CENPC: variants seen among roughly 807,000 people sequenced by gnomAD.
CENPC encodes CENP-C 1.
CENPC carries 63 observed loss-of-function variants against 112.1 expected under a neutral mutation model. The observed-to-expected ratio is 0.56, with a 90% CI of 0.46 to 0.69. The LOEUF is 0.69. Among genes scored for constraint, CENPC ranks in the 30% least tolerant of loss-of-function variants. The pLI is 0.00. For synonymous variants in CENPC, 333 were observed against 367.6 expected (o/e 0.91, Z 1.08); for missense variants, 1,000 against 1,103.8 (o/e 0.91, Z 1.33).
intron 18 of CENPC, among the ~76,000 whole-genome samples, chr4:67,473,747 T>A (rs1724732150): frequency 6.6e-6 from 1 of 151,974 alleles, no homozygotes; most frequent in East Asian, 1.9e-4. Flanking sequence ...ACACAGGGTC[T>A]TCCTAGGTTG....
chr4:67,482,470 T>C (rs1724981676), intron 17 of CENPC, among the ~76,000 whole-genome samples: 1 of 152,232 alleles, frequency 6.6e-6, no homozygotes, highest in Non-Finnish European at 1.5e-5. Flanking sequence ...AGCAGCATAA[T>C]GTGCAACTGC....
At chr4:67,536,476 A>G (rs904842646) in intron 4 of CENPC, among the ~76,000 whole-genome samples, 1 of 152,204 alleles carries the variant, frequency 6.6e-6, no homozygotes, top group African/African-American at 2.4e-5. Flanking sequence ...CTACGGAGTC[A>G]TATCTTATTT....
At chr4:67,473,437 T>C (rs1318411061) in intron 18 of CENPC, among the ~76,000 whole-genome samples, 1 of 152,222 alleles carries the variant, frequency 6.6e-6, no homozygotes, top group Non-Finnish European at 1.5e-5. Flanking sequence ...CAAGTATGGC[T>C]ATTATTATTG....
chr4:67,471,485 A>G lies in CENPC; in HGVS notation c.*1120T>C, dbSNP rs554782537. The G allele has an allele frequency of 4.6e-5, 7 of 152,310 alleles. No homozygotes were observed. The highest frequency in any genetic ancestry group is 7.4e-5 in the Non-Finnish European group (5 of 68,018). 9.4% of individuals were successfully genotyped at this position (152,310 alleles called of 1,614,324 possible). ...TCTGTATGGGCCCAGATACTTGATTAGTCAAGCCTTCAATAAGACTTCATA... is the reference window on the plus strand; with the variant it reads ...TCTGTATGGGCCCAGATACTTGATTGGTCAAGCCTTCAATAAGACTTCATA... On this transcript the variant is annotated 3_prime_UTR_variant, in exon 19 of 19. Transcript: ENST00000273853.
intron 4 of CENPC, among the ~76,000 whole-genome samples, chr4:67,535,689 C>T (rs1726698691): frequency 1.3e-5 from 2 of 152,048 alleles, no homozygotes. Flanking sequence ...ATACCATAAA[C>T]ACTAACTACT....
Position 67,514,100 on chromosome 4 carries a change from A to G in CENPC, c.1418T>C (p.Val473Ala). 1.9e-6 allele frequency: 3 copies of G among 1,598,708 alleles called. No homozygotes were observed. Among genetic ancestry groups the G allele is most frequent in the Non-Finnish European group, 2.6e-6 (3 of 1,174,712 alleles). Reference sequence around the variant, plus strand: ...CACAGGTGGCATCTGTTTTTTGGAAACACAATCATTTCCCATCTCTTCATG... The same window carrying G: ...CACAGGTGGCATCTGTTTTTTGGAAGCACAATCATTTCCCATCTCTTCATG... ...EEHEEMGNDC[V>A]SKKQMPPVGS... The change falls in exon 8 of 19, where the codon GTT becomes GCT. Residue 473 changes from valine (V) to alanine (A), a missense_variant. Coordinates refer to ENST00000273853, the MANE Select transcript of CENPC (RefSeq NM_001812.4).
At chr4:67,520,889 G>A (rs973112560) in intron 5 of CENPC, among the ~76,000 whole-genome samples, 2 of 152,050 alleles carry the variant, frequency 1.3e-5, no homozygotes, top group African/African-American at 4.8e-5. Context: ...GCACATGCCT[G>A]TAATCCCAGC....
rs1727011581 is a variant in CENPC at position 67,545,501 on chromosome 4, G to C, written c.-146C>G. 2.7e-6 allele frequency: 2 copies of C among 735,268 alleles called. No homozygotes were observed. The highest frequency in any genetic ancestry group is 8.1e-5 in the Admixed American group (2 of 24,542). The allele number at this position is 735,268 out of a possible 1,614,324, so 45.5% of individuals were successfully genotyped here. On this transcript the variant is annotated 5_prime_UTR_variant, in exon 1 of 19. Coordinates refer to ENST00000273853, the MANE Select transcript of CENPC (RefSeq NM_001812.4). ...TAAGTCTCAGGCGACTGCCGCGAGAGCTGCGATCCGGAAGGCGCGCGCTAA... is the reference window on the plus strand; with the variant it reads ...TAAGTCTCAGGCGACTGCCGCGAGACCTGCGATCCGGAAGGCGCGCGCTAA...
intron 12 of CENPC, among the ~76,000 whole-genome samples, chr4:67,497,487 A>G (rs1725469301): frequency 6.6e-6 from 1 of 152,198 alleles, no homozygotes; most frequent in East Asian, 1.9e-4. Context: ...AAGAAGTCAA[A>G]CAGTTTTTTA....
chr4:67,483,283 G>A lies in CENPC; in HGVS notation c.2670+6684C>T, dbSNP rs10002575. On this transcript the variant is annotated intron_variant, in intron 17 of 18. Coordinates refer to ENST00000273853, the MANE Select transcript of CENPC (RefSeq NM_001812.4). ...TGAGGCACGAGAATTGCTTGAACCC[G>A]GGAGGCAGAGGCTGCAGTGGGCTGA... 3.0e-3 allele frequency among the ~76,000 whole-genome samples: 461 copies of A among 152,088 alleles called. 2 individuals carry two copies. Among genetic ancestry groups the A allele is most frequent in the African/African-American group, 0.01 (416 of 41,488 alleles).
rs1270654016 is a variant in CENPC at position 67,470,813 on chromosome 4, TAAA to T, written c.*1789_*1791del. The T allele has an allele frequency of 6.6e-6, 1 of 152,026 alleles. No homozygotes were observed. 9.4% of individuals were successfully genotyped at this position (152,026 alleles called of 1,614,324 possible). ...AACCTACAACTTTGTAAGTCAAAAG[TAAA>T]AAAATCACTTAGGAATGGACAAGGA... On this transcript the variant is annotated 3_prime_UTR_variant, in exon 19 of 19. Transcript: ENST00000273853.
intron 4 of CENPC, among the ~76,000 whole-genome samples, chr4:67,536,847 G>GA (rs904873229): frequency 1.6e-4 from 24 of 151,562 alleles, no homozygotes; most frequent in African/African-American, 5.3e-4. Flanking sequence ...TTGGTTTTCT[G>GA]AAAGACCAAA....
At chr4:67,490,324 C>T (rs1319851466) in intron 16 of CENPC, among the ~76,000 whole-genome samples, 3 of 152,102 alleles carry the variant, frequency 2.0e-5, no homozygotes, top group Non-Finnish European at 2.9e-5. Context: ...AGGCAAGTTA[C>T]TTAAGCTCTC....
chr4:67,483,964 T>C (rs376760652), intron 17 of CENPC, among the ~76,000 whole-genome samples: 8 of 152,092 alleles, frequency 5.3e-5, no homozygotes, highest in African/African-American at 1.9e-4. Context: ...AAAAATTCTG[T>C]TTATGAATTT....
chr4:67,512,602 A>G, intron 8 of CENPC, 33 bp from the exon 9 acceptor site: 1 of 1,427,842 alleles, frequency 7.0e-7, no homozygotes, highest in Non-Finnish European at 9.3e-7. Flanking sequence ...ACCAATTCAC[A>G]ATCTACTAAA....
chr4:67,488,700 C>A (rs1725157425), intron 17 of CENPC, among the ~76,000 whole-genome samples: 1 of 151,814 alleles, frequency 6.6e-6, no homozygotes, highest in African/African-American at 2.4e-5. Flanking sequence ...TGTTTATCCT[C>A]ATTATTAGTT....
chr4:67,502,488 C>T (rs1243571056), intron 12 of CENPC, among the ~76,000 whole-genome samples: 1 of 152,050 alleles, frequency 6.6e-6, no homozygotes, highest in African/African-American at 2.4e-5. Flanking sequence ...TTTAACACAA[C>T]GAAGCAGATA....
rs753347846 is a variant in CENPC at position 67,514,345 on chromosome 4, T to C, written c.1173A>G (p.Thr391=). 28 of 1,612,496 alleles carry C rather than the reference T, an allele frequency of 1.7e-5. No individual in the cohort carries two copies. In the South Asian group the frequency reaches 3.1e-4, roughly 18 times the overall value. The change falls in exon 8 of 19, where the codon ACA becomes ACG. Residue 391 remains threonine, a synonymous_variant. Transcript: ENST00000273853. ...ATTTTGTAGATCTATAATTATTTAC[T>C]GTTTCACCTATCAAAGCATAACTTG... ...LDTSYALIGE[T]VNNYRSTKYE... is the part of the protein sequence containing the mutation.
intron 9 of CENPC, chr4:67,510,713 T>C: frequency 3.4e-6 from 1 of 290,464 alleles, no homozygotes; most frequent in African/African-American, 2.2e-5. Context: ...ATACATTTCT[T>C]CATATATATG....
Sources: gnomAD v4.1 joint callset for allele counts (sites outside exome capture counted in the v4.1 genomes callset) on GRCh38, gnomAD v4.1.1 for gene constraint, MANE v1.5 for transcripts, NCBI Gene and HGNC (gene_info 2026-07-23, HGNC 2026-07-21) for gene names.